The following RGS6 variants were observed in gnomAD, a reference collection of about 807,000 sequenced individuals.
RGS6 encodes the protein regulator of G protein signaling 6, also known as regulator of G-protein signaling 6.
In RGS6, 30 loss-of-function variants were observed where a neutral mutation model predicts 78.5. The ratio of observed to expected loss-of-function variants is 0.38; its 90% confidence interval spans 0.29 to 0.52. The LOEUF (loss-of-function observed/expected upper bound fraction) is 0.52, where lower values mean the gene tolerates loss of function less well. RGS6 is among the 20% of genes least tolerant of loss of function. RGS6 has a pLI of 0.85. For synonymous variants in RGS6, 206 were observed against 206.0 expected, an observed-to-expected ratio of 1.00 and a Z score of 0.00; for missense variants, 495 against 609.7, an observed-to-expected ratio of 0.81 and a Z score of 1.98.
intron 3 of RGS6, among the ~76,000 whole-genome samples, chr14:72,429,652 C>A (rs2094551032): frequency 6.6e-6 from 1 of 152,144 alleles, no homozygotes; most frequent in South Asian, 2.1e-4. Flanking sequence ...TCCAGATGTG[C>A]ACAGGTGCCA....
intron 2 of RGS6, among the ~76,000 whole-genome samples, chr14:72,171,545 T>C (rs112716204): frequency 0.02 from 3,097 of 152,312 alleles, 122 homozygotes; most frequent in African/African-American, 0.07. Context: ...CCTTCACTTC[T>C]CACCTAAAAT....
the RGS6 span, among the ~76,000 whole-genome samples, chr14:71,923,235 A>C: frequency 3.9e-5 from 6 of 152,230 alleles, no homozygotes; most frequent in Non-Finnish European, 8.8e-5. Context: ...ATAAACCAGC[A>C]AAGAAGGTGT....
chr14:72,011,734 T>C (rs2085787408), intron 2 of RGS6, among the ~76,000 whole-genome samples: 1 of 152,150 alleles, frequency 6.6e-6, no homozygotes, highest in African/African-American at 2.4e-5. Flanking sequence ...CACCACTTTA[T>C]ATTAATATAA....
intron 2 of RGS6, among the ~76,000 whole-genome samples, chr14:72,045,114 C>G (rs985769993): frequency 3.9e-5 from 6 of 152,186 alleles, no homozygotes; most frequent in Non-Finnish European, 8.8e-5. Flanking sequence ...CCTCCATAAT[C>G]AGATTTAATT....
intron 2 of RGS6, among the ~76,000 whole-genome samples, chr14:72,002,350 T>C (rs935342331): frequency 4.6e-5 from 7 of 152,218 alleles, no homozygotes; most frequent in Non-Finnish European, 8.8e-5. Flanking sequence ...GGTCAGATTT[T>C]CCAGCTGCAG....
the RGS6 span, among the ~76,000 whole-genome samples, chr14:72,578,626 G>A: frequency 6.6e-6 from 1 of 152,226 alleles, no homozygotes; most frequent in Non-Finnish European, 1.5e-5. Flanking sequence ...GGGTAGTGTT[G>A]AGATGCAAAG....
chr14:72,039,879 A>C (rs999582070), intron 2 of RGS6, among the ~76,000 whole-genome samples: 2 of 47,480 alleles, frequency 4.2e-5, no homozygotes, highest in African/African-American at 1.7e-4. Flanking sequence ...TATGTCTTCT[A>C]TAGGTATTTT....
At chr14:72,529,784 G>T (rs2097160383) in intron 15 of RGS6, among the ~76,000 whole-genome samples, 1 of 152,142 alleles carries the variant, frequency 6.6e-6, no homozygotes, top group Non-Finnish European at 1.5e-5. Flanking sequence ...TCATCCCCAG[G>T]TATACACATT....
intron 2 of RGS6, among the ~76,000 whole-genome samples, chr14:72,192,593 C>A (rs2097340648): frequency 1.3e-5 from 2 of 152,238 alleles, no homozygotes; most frequent in South Asian, 4.1e-4. Context: ...TAACGCCTTG[C>A]CAATTTCTAG....
intron 2 of RGS6, among the ~76,000 whole-genome samples, chr14:72,270,427 AG>A (rs2153912715): frequency 6.6e-6 from 1 of 152,352 alleles, no homozygotes; most frequent in African/African-American, 2.4e-5. Flanking sequence ...CAACTGGCAA[AG>A]ACTCTGATGT....
At chr14:72,475,830 G>GCACA (rs1555424335) in intron 10 of RGS6, among the ~76,000 whole-genome samples, 31,622 of 145,482 alleles carry the variant, frequency 0.22, 3,548 homozygotes, top group South Asian at 0.33. Flanking sequence ...AAAAATACAC[G>GCACA]CACACACACA....
intron 2 of RGS6, among the ~76,000 whole-genome samples, chr14:72,073,411 CTG>C (rs1319382977): frequency 1.3e-5 from 2 of 152,168 alleles, no homozygotes; most frequent in African/African-American, 2.4e-5. Context: ...ATATTAAACA[CTG>C]AGAGAAATCT....
chr14:72,066,757 T>C (rs1340781702), intron 2 of RGS6, among the ~76,000 whole-genome samples: 1 of 151,970 alleles, frequency 6.6e-6, no homozygotes, highest in East Asian at 1.9e-4. Context: ...ATTACACTAC[T>C]GAATAATTAT....
intron 2 of RGS6, among the ~76,000 whole-genome samples, chr14:71,976,593 A>G (rs1031499474): frequency 2.0e-5 from 3 of 152,130 alleles, no homozygotes; most frequent in Non-Finnish European, 2.9e-5. Context: ...ACGTGAACTC[A>G]TTCTTTTTTA....
the RGS6 span, among the ~76,000 whole-genome samples, chr14:71,905,710 G>A: frequency 6.2e-3 from 941 of 152,242 alleles, 9 homozygotes; most frequent in African/African-American, 0.021. Context: ...GGCTGGTCTC[G>A]AACTCCTGAG....
chr14:72,458,119 T>C (rs1213201250), intron 4 of RGS6, 152 bp from the exon 5 acceptor site: 2 of 543,884 alleles, frequency 3.7e-6, no homozygotes, highest in African/African-American at 3.9e-5. Flanking sequence ...CATTGGCATC[T>C]CCCCTCCTCA....
chr14:72,056,690 C>G (rs948397329), intron 2 of RGS6, among the ~76,000 whole-genome samples: 2 of 152,196 alleles, frequency 1.3e-5, no homozygotes, highest in Non-Finnish European at 2.9e-5. Flanking sequence ...CCCTGCCACC[C>G]CACAGAGTGA....
intron 1 of RGS6, 115 bp from the exon 2 acceptor site, chr14:71,964,657 T>C: frequency 1.5e-6 from 1 of 653,614 alleles, no homozygotes; most frequent in East Asian, 2.7e-5. Flanking sequence ...ATGTATCATG[T>C]AATATCATGT....
At chr14:72,416,368 C>T (rs1341845821) in intron 3 of RGS6, among the ~76,000 whole-genome samples, 1 of 152,150 alleles carries the variant, frequency 6.6e-6, no homozygotes, top group East Asian at 1.9e-4. Flanking sequence ...TTGTCCCCTG[C>T]TTTCAGCTCT....
Sources: allele counts gnomAD v4.1 joint callset (sites outside exome capture counted in the v4.1 genomes callset), GRCh38; gene constraint gnomAD v4.1.1; transcripts MANE v1.5; gene names NCBI Gene and HGNC (gene_info 2026-07-23, HGNC 2026-07-21).